The following SMYD1 variants were observed in gnomAD, a reference collection of about 807,000 sequenced individuals.
The protein encoded by SMYD1 is SET and MYND domain containing 1.
SMYD1 carries 49 observed loss-of-function variants against 54.0 expected under a neutral mutation model. The observed-to-expected ratio is 0.91, with a 90% CI of 0.72 to 1.15. The LOEUF (loss-of-function observed/expected upper bound fraction) is 1.15. Among genes scored for constraint, SMYD1 ranks in the 50% most tolerant of loss-of-function variants. The pLI is 0.00. For missense variants in SMYD1, 653 were observed against 639.6 expected, an observed-to-expected ratio of 1.02 and a Z score of -0.23; for synonymous variants, 269 against 234.2, an observed-to-expected ratio of 1.15 and a Z score of -1.36.
At chr2:88,105,138 G>C (rs1674831445) in intron 7 of SMYD1, among the ~76,000 whole-genome samples, 1 of 152,184 alleles carries the variant, frequency 6.6e-6, no homozygotes, top group Admixed American at 6.5e-5. Flanking sequence ...AAAGCTTTCA[G>C]ATGTTTCCAA....
intron 1 of SMYD1, among the ~76,000 whole-genome samples, chr2:88,071,395 GC>G (rs1673943671): frequency 6.6e-6 from 1 of 152,168 alleles, no homozygotes; most frequent in Non-Finnish European, 1.5e-5. Context: ...AACAATCCAG[GC>G]CCTTAAATTA....
chr2:88,090,765 A>T (rs1444245552), intron 3 of SMYD1, among the ~76,000 whole-genome samples: 3 of 152,212 alleles, frequency 2.0e-5, no homozygotes, highest in South Asian at 2.1e-4. Context: ...ACTCTTTTAG[A>T]ATAGAGCCAC....
chr2:88,082,450 T>A, intron 1 of SMYD1: 1 of 152,736 alleles, frequency 6.5e-6, no homozygotes, highest in Middle Eastern at 2.4e-3. Context: ...GGATGTAGCA[T>A]AGAGCAGTAG....
intron 5 of SMYD1, among the ~76,000 whole-genome samples, chr2:88,096,039 C>T (rs1297744011): frequency 6.6e-6 from 1 of 152,178 alleles, no homozygotes; most frequent in African/African-American, 2.4e-5. Context: ...TATTTGCCTT[C>T]AGTGATCTCC....
Position 88,067,953 on chromosome 2 carries a change from C to G in SMYD1, c.89C>G (p.Ala30Gly). The change falls in exon 1 of 10, where the codon GCA becomes GGA. Residue 30 changes from alanine (A) to glycine (G), a missense_variant. Coordinates refer to ENST00000419482, the MANE Select transcript of SMYD1 (RefSeq NM_198274.4). Reference protein sequence around the residue: ...GLKATKEFWAADIIFAERAYS... With the variant: ...GLKATKEFWAGDIIFAERAYS... Reference sequence around the variant, plus strand: ...AAGGCCACCAAGGAGTTCTGGGCTGCAGATATCATCTTTGCTGAGCGGGCT... The same window carrying G: ...AAGGCCACCAAGGAGTTCTGGGCTGGAGATATCATCTTTGCTGAGCGGGCT... 6.2e-7 allele frequency: 1 copy of G among 1,613,938 alleles called. No homozygotes were observed. The highest frequency in any genetic ancestry group is 8.5e-7 in the Non-Finnish European group (1 of 1,180,024).
chr2:88,070,785 A>T (rs1431750890), intron 1 of SMYD1, among the ~76,000 whole-genome samples: 1 of 152,036 alleles, frequency 6.6e-6, no homozygotes, highest in Non-Finnish European at 1.5e-5. Flanking sequence ...CTCTACAAAA[A>T]TACGAAAATT....
At chr2:88,068,095 T>C (rs1302046020) in intron 1 of SMYD1, 94 bp downstream of exon 1, 1 of 1,469,210 alleles carries the variant, frequency 6.8e-7, no homozygotes, top group African/African-American at 1.4e-5. Flanking sequence ...GGGGAAGGGA[T>C]AAAATTCATG....
chr2:88,097,425 G>C (rs1036297803), intron 6 of SMYD1, among the ~76,000 whole-genome samples: 2 of 152,146 alleles, frequency 1.3e-5, no homozygotes, highest in Non-Finnish European at 2.9e-5. Flanking sequence ...TAAAGCAACA[G>C]AGCAGAAATG....
chr2:88,085,090 A>C (rs1415528300), intron 2 of SMYD1, among the ~76,000 whole-genome samples: 5 of 152,162 alleles, frequency 3.3e-5, no homozygotes, highest in Non-Finnish European at 5.9e-5. Flanking sequence ...AATGTTTAAA[A>C]ATTGGGAAAT....
chr2:88,110,012 G>A (rs757809596), intron 9 of SMYD1, among the ~76,000 whole-genome samples: 1 of 152,172 alleles, frequency 6.6e-6, no homozygotes, highest in African/African-American at 2.4e-5. Context: ...AAGCGATTAT[G>A]TCTCTTGCCT....
At chr2:88,089,241 C>A (rs1317293252) in intron 3 of SMYD1, among the ~76,000 whole-genome samples, 1 of 152,180 alleles carries the variant, frequency 6.6e-6, no homozygotes, top group South Asian at 2.1e-4. Context: ...GAGGCCCACC[C>A]ACATTCTAGC....
At chr2:88,108,280 T>C in intron 8 of SMYD1, 91 bp from the exon 9 acceptor site, 3 of 1,302,624 alleles carry the variant, frequency 2.3e-6, no homozygotes, top group Non-Finnish European at 3.0e-6. Context: ...CAGATGGGCT[T>C]AATCAACAAG....
chr2:88,095,458 C>T (rs1674561025), intron 5 of SMYD1, among the ~76,000 whole-genome samples: 1 of 152,242 alleles, frequency 6.6e-6, no homozygotes, highest in Non-Finnish European at 1.5e-5. Flanking sequence ...GCTCCCTTGA[C>T]TGTCACCTCA....
rs1675033389 is a variant in SMYD1 at position 88,111,940 on chromosome 2, A to G, written c.*1428A>G. The G allele has an allele frequency of 1.5e-6, 1 of 649,258 alleles. No individual in the cohort carries two copies. Among genetic ancestry groups the G allele is most frequent in the Non-Finnish European group, 2.8e-6 (1 of 357,122 alleles). The allele number at this position is 649,258 out of a possible 1,614,324, so 40.2% of individuals were successfully genotyped here. ...GATCCCACCAGGTCCCACGTTTGTTATCTCTGCCTAAATGTTAGCTTCTCC... is the reference window on the plus strand; with the variant it reads ...GATCCCACCAGGTCCCACGTTTGTTGTCTCTGCCTAAATGTTAGCTTCTCC... On this transcript the variant is annotated 3_prime_UTR_variant, in exon 10 of 10. Coordinates refer to ENST00000419482, the MANE Select transcript of SMYD1 (RefSeq NM_198274.4).
At chr2:88,096,884 C>T in intron 6 of SMYD1, 100 bp downstream of exon 6, 1 of 1,220,820 alleles carries the variant, frequency 8.2e-7, no homozygotes, top group Non-Finnish European at 1.1e-6. Context: ...CCATGAGCTT[C>T]CTAGGGAGCA....
chr2:88,101,327 T>TA (rs1674714278), intron 6 of SMYD1, among the ~76,000 whole-genome samples: 1 of 152,256 alleles, frequency 6.6e-6, no homozygotes, highest in Admixed American at 6.5e-5. Flanking sequence ...ACTGGTTAAA[T>TA]AAGTTATCCT....
intron 3 of SMYD1, 151 bp from the exon 4 acceptor site, chr2:88,090,861 G>C: frequency 1.2e-6 from 1 of 813,282 alleles, no homozygotes. Context: ...GAGTCACGCA[G>C]AGAACAGGAG....
At chr2:88,103,670 A>C (rs1378999196) in intron 7 of SMYD1, among the ~76,000 whole-genome samples, 1 of 152,160 alleles carries the variant, frequency 6.6e-6, no homozygotes, top group Non-Finnish European at 1.5e-5. Flanking sequence ...ATCTCTGGCC[A>C]TGGGACCCTG....
intron 1 of SMYD1, among the ~76,000 whole-genome samples, 164 bp downstream of exon 1, chr2:88,068,165 T>C (rs1346039066): frequency 6.6e-6 from 1 of 152,208 alleles, no homozygotes; most frequent in African/African-American, 2.4e-5. Context: ...CAAATTTTTC[T>C]GCAAGGGATC....
Sources: allele counts gnomAD v4.1 joint callset (sites outside exome capture counted in the v4.1 genomes callset), GRCh38; gene constraint gnomAD v4.1.1; transcripts MANE v1.5; gene names NCBI Gene and HGNC (gene_info 2026-07-23, HGNC 2026-07-21).